The following NELL2 variants were observed in gnomAD, a reference collection of about 807,000 sequenced individuals.
The protein encoded by NELL2 is neural EGFL like 2.
In NELL2, 41 loss-of-function variants were observed where a neutral mutation model predicts 109.6. The ratio of observed to expected loss-of-function variants is 0.37; its 90% CI spans 0.29 to 0.49. The LOEUF (loss-of-function observed/expected upper bound fraction) is 0.49. Among genes scored for constraint, NELL2 ranks in the 20% least tolerant of loss-of-function variants. The pLI is 0.98. For synonymous variants in NELL2, 355 were observed against 344.7 expected, an observed-to-expected ratio of 1.03 and a Z score of -0.33; for missense variants, 900 against 1,008.3, an observed-to-expected ratio of 0.89 and a Z score of 1.45.
intron 2 of NELL2, among the ~76,000 whole-genome samples, chr12:44,868,588 A>G (rs543963488): frequency 6.6e-6 from 1 of 152,350 alleles, no homozygotes; most frequent in African/African-American, 2.4e-5. Flanking sequence ...TATTTGAGAC[A>G]ACGTGGATCA....
chr12:44,655,846 T>C (rs1947480459), intron 13 of NELL2, among the ~76,000 whole-genome samples: 1 of 152,212 alleles, frequency 6.6e-6, no homozygotes, highest in Admixed American at 6.5e-5. Context: ...TGAGGCATCA[T>C]TTAGCTTTAG....
upstream of NELL2, chr12:44,876,903 G>A (rs1355662145): frequency 2.4e-6 from 3 of 1,264,914 alleles, no homozygotes; most frequent in African/African-American, 3.0e-5. Context: ...CTGGTGGAGA[G>A]GTTCCCTGCC....
In NELL2 at chr12:44,830,580, C is replaced by T. The variant is rs182835690; in HGVS notation, c.185-14444G>A. 2.9e-3 allele frequency among the ~76,000 whole-genome samples: 446 copies of T among 152,254 alleles called. 3 individuals carry two copies. Among genetic ancestry groups the T allele is most frequent in the African/African-American group, 0.01 (419 of 41,540 alleles). On this transcript the variant is annotated intron_variant, in intron 2 of 19. Coordinates refer to ENST00000429094, the MANE Select transcript of NELL2 (RefSeq NM_001145108.2). ...TTCAAACCAGAGTTTCAGACACCAG[C>T]CTTCATGTCAGTCCCTGTCCTTGTT...
chr12:44,800,211 G>A (rs1293744460), intron 3 of NELL2, among the ~76,000 whole-genome samples: 1 of 152,000 alleles, frequency 6.6e-6, no homozygotes, highest in Admixed American at 6.6e-5. Context: ...GGATACTCAA[G>A]TCAATCTCTT....
rs1461627530 is a variant in NELL2 at position 44,546,291 on chromosome 12, G to T, written c.1664-13570C>A. On this transcript the variant is annotated intron_variant, in intron 15 of 19. Transcript: ENST00000429094. The stretch of plus-strand genomic sequence containing the variant: ...AAGTTGTCAGATATAGCTTTGAGTG[G>T]GTCTTAACCAGAAAATTCACTGATG... Among the ~76,000 whole-genome samples the T allele has an allele frequency of 2.2e-3, 337 of 152,174 alleles. 1 individual carries two copies. Among genetic ancestry groups the T allele is most frequent in the African/African-American group, 7.8e-3 (324 of 41,538 alleles).
intron 2 of NELL2, among the ~76,000 whole-genome samples, chr12:44,853,337 A>G (rs1944585886): frequency 6.6e-6 from 1 of 152,148 alleles, no homozygotes; most frequent in Non-Finnish European, 1.5e-5. Flanking sequence ...AAATTGGTAA[A>G]GTTGTTTCTA....
chr12:44,601,374 T>C (rs1054412468), intron 15 of NELL2, among the ~76,000 whole-genome samples: 4 of 152,156 alleles, frequency 2.6e-5, no homozygotes, highest in Non-Finnish European at 5.9e-5. Context: ...TTTTGAATAA[T>C]ATAAAGATTT....
At chr12:44,726,178 A>G (rs1939072297) in intron 9 of NELL2, among the ~76,000 whole-genome samples, 1 of 152,186 alleles carries the variant, frequency 6.6e-6, no homozygotes, top group Admixed American at 6.5e-5. Flanking sequence ...TAAACTAAGA[A>G]AGTTAAAATA....
rs1461008034 is a variant in NELL2, at chr12:44,546,305, A to ATAGCC, written c.1664-13585_1664-13584insGGCTA. On this transcript the variant is annotated intron_variant, in intron 15 of 19. Coordinates refer to ENST00000429094, the MANE Select transcript of NELL2 (RefSeq NM_001145108.2). ...AGCTTTGAGTGGGTCTTAACCAGAA[A>ATAGCC]ATTCACTGATGGATGGCTTCTACTG... Among the ~76,000 whole-genome samples, 337 of 152,250 alleles carry ATAGCC rather than the reference A, an allele frequency of 2.2e-3. 1 individual carries two copies. Among genetic ancestry groups the ATAGCC allele is most frequent in the African/African-American group, 7.8e-3 (324 of 41,558 alleles).
chr12:44,801,181 G>T (rs1345627000), intron 3 of NELL2, among the ~76,000 whole-genome samples: 1 of 152,074 alleles, frequency 6.6e-6, no homozygotes. Flanking sequence ...ACTTTTTATG[G>T]AGAGGCAGTT....
chr12:44,876,678 G>A (rs1430151702), upstream of NELL2: 3 of 1,550,858 alleles, frequency 1.9e-6, no homozygotes, highest in East Asian at 4.9e-5. Context: ...AGGCAAGGCT[G>A]GAGCGAGTAG....
intron 9 of NELL2, among the ~76,000 whole-genome samples, chr12:44,734,472 T>C (rs1592422756): frequency 1.3e-5 from 2 of 151,798 alleles, no homozygotes; most frequent in South Asian, 4.2e-4. Context: ...TAACAACAAA[T>C]ATATTCAATT....
At chr12:44,810,871 A>C (rs956823584) in intron 3 of NELL2, among the ~76,000 whole-genome samples, 3 of 152,158 alleles carry the variant, frequency 2.0e-5, no homozygotes, top group Non-Finnish European at 2.9e-5. Context: ...TTAGATTTTT[A>C]AAAGTTAAAT....
intron 3 of NELL2, among the ~76,000 whole-genome samples, chr12:44,790,674 A>G (rs1475486436): frequency 2.0e-5 from 3 of 152,088 alleles, no homozygotes; most frequent in Non-Finnish European, 4.4e-5. Context: ...CAATACTAAC[A>G]TTGAATGTAA....
intron 13 of NELL2, among the ~76,000 whole-genome samples, chr12:44,636,798 A>T (rs1484120149): frequency 6.6e-6 from 1 of 152,134 alleles, no homozygotes; most frequent in African/African-American, 2.4e-5. Context: ...CTGGCCTCAT[A>T]AAATGAGTTA....
intron 16 of NELL2, among the ~76,000 whole-genome samples, chr12:44,524,672 AT>A (rs1299484995): frequency 6.6e-6 from 1 of 151,934 alleles, no homozygotes; most frequent in Non-Finnish European, 1.5e-5. Flanking sequence ...GCCACAGGAC[AT>A]TTTTTTTCTA....
chr12:44,665,985 T>G (rs1333833666), intron 12 of NELL2, among the ~76,000 whole-genome samples: 4 of 152,172 alleles, frequency 2.6e-5, no homozygotes, highest in South Asian at 2.1e-4. Context: ...ATTCACCAGC[T>G]ATTCTGTACA....
At chr12:44,604,107 G>T (rs1472203125) in intron 15 of NELL2, among the ~76,000 whole-genome samples, 1 of 152,110 alleles carries the variant, frequency 6.6e-6, no homozygotes, top group African/African-American at 2.4e-5. Context: ...CATAACAAAA[G>T]GCAGAGACCT....
At chr12:44,686,364 C>A (rs961780038) in intron 12 of NELL2, among the ~76,000 whole-genome samples, 8 of 152,120 alleles carry the variant, frequency 5.3e-5, no homozygotes, top group Non-Finnish European at 1.0e-4. Context: ...GTTTGAATGT[C>A]CTCCCGTAGC....
Sources: allele counts gnomAD v4.1 joint callset (sites outside exome capture counted in the v4.1 genomes callset), GRCh38; gene constraint gnomAD v4.1.1; transcripts MANE v1.5; gene names NCBI Gene and HGNC (gene_info 2026-07-23, HGNC 2026-07-21).